The following MMP26 variants were observed in gnomAD, a reference collection of about 807,000 sequenced individuals.
MMP26 encodes matrix metallopeptidase 26.
MMP26 carries 33 observed loss-of-function variants against 31.0 expected under a neutral mutation model. The ratio of observed to expected loss-of-function variants is 1.06; its 90% confidence interval spans 0.81 to 1.42. The LOEUF (loss-of-function observed/expected upper bound fraction) is 1.42, where lower values mean the gene tolerates loss of function less well. Among genes scored for constraint, MMP26 ranks in the 40% most tolerant of loss-of-function variants. MMP26 has a pLI of 0.00. For synonymous variants in MMP26, 122 were observed against 114.9 expected (o/e 1.06, Z -0.40); for missense variants, 347 against 316.1 (o/e 1.10, Z -0.74).
intron 1 of MMP26, among the ~76,000 whole-genome samples, chr11:4,740,548 G>C (rs1848298752): frequency 6.6e-6 from 1 of 151,832 alleles, no homozygotes; most frequent in Non-Finnish European, 1.5e-5. Flanking sequence ...CTGGGCATGA[G>C]GGTGGGCGCC....
At chr11:4,771,694 T>C (rs1404382669) in intron 2 of MMP26, among the ~76,000 whole-genome samples, 2 of 152,202 alleles carry the variant, frequency 1.3e-5, no homozygotes, top group African/African-American at 4.8e-5. Context: ...AGAGTAAATA[T>C]TCTGTAGCAA....
At chr11:4,786,484 C>A (rs1232927608) in intron 2 of MMP26, among the ~76,000 whole-genome samples, 1 of 124,932 alleles carries the variant, frequency 8.0e-6, no homozygotes, top group Non-Finnish European at 1.6e-5. Flanking sequence ...GTAGTAAGAT[C>A]TGCTGATCCT....
intron 2 of MMP26, among the ~76,000 whole-genome samples, chr11:4,784,810 T>C (rs1174067201): frequency 2.0e-5 from 3 of 152,192 alleles, no homozygotes; most frequent in Non-Finnish European, 4.4e-5. Flanking sequence ...TTTAAAAATT[T>C]TTACTAATAA....
At chr11:4,831,754 C>A (rs753218554) in intron 2 of MMP26, among the ~76,000 whole-genome samples, 2 of 152,014 alleles carry the variant, frequency 1.3e-5, no homozygotes, top group Admixed American at 6.6e-5. Flanking sequence ...TGACCACATG[C>A]GTGATAGTAG....
At chr11:4,726,665 G>C (rs1848104690) in intron 1 of MMP26, among the ~76,000 whole-genome samples, 1 of 152,182 alleles carries the variant, frequency 6.6e-6, no homozygotes, top group South Asian at 2.1e-4. Flanking sequence ...GAAGATGCAA[G>C]TGTTGACTAA....
intron 2 of MMP26, among the ~76,000 whole-genome samples, chr11:4,858,519 T>C (rs898630082): frequency 6.6e-6 from 1 of 152,124 alleles, no homozygotes; most frequent in Non-Finnish European, 1.5e-5. Context: ...TTACAAGGGA[T>C]GTGAAGGACC....
intron 1 of MMP26, chr11:4,723,917 C>A: frequency 2.0e-6 from 2 of 984,878 alleles, no homozygotes; most frequent in Non-Finnish European, 1.6e-6. Context: ...GTGCGCATGG[C>A]CTGGATGTTG....
chr11:4,898,853 G>C (rs1236801660), intron 2 of MMP26, among the ~76,000 whole-genome samples: 5 of 151,130 alleles, frequency 3.3e-5, no homozygotes, highest in African/African-American at 1.2e-4. Flanking sequence ...GTGTGTGTGT[G>C]TGTGTGTGTG....
intron 1 of MMP26, among the ~76,000 whole-genome samples, chr11:4,763,973 G>A (rs1198024899): frequency 6.6e-6 from 1 of 152,132 alleles, no homozygotes; most frequent in African/African-American, 2.4e-5. Context: ...GCAATAAACA[G>A]GAGAATTTTA....
chr11:4,789,142 TTGAA>T (rs1848987255), intron 2 of MMP26, among the ~76,000 whole-genome samples: 1 of 152,172 alleles, frequency 6.6e-6, no homozygotes, highest in Admixed American at 6.5e-5. Flanking sequence ...AGTTTCTAAT[TTGAA>T]TGAGTGACAT....
At chr11:4,888,623 T>A (rs138860384) in intron 2 of MMP26, among the ~76,000 whole-genome samples, 7 of 152,290 alleles carry the variant, frequency 4.6e-5, no homozygotes, top group African/African-American at 1.7e-4. Context: ...CCATGGCTTA[T>A]GGAACTTTGC....
chr11:4,872,318 A>G (rs1406617680), intron 2 of MMP26, among the ~76,000 whole-genome samples: 6 of 152,112 alleles, frequency 3.9e-5, no homozygotes, highest in Non-Finnish European at 8.8e-5. Flanking sequence ...TAAAACCAAT[A>G]AAGAGTCTAG....
intron 2 of MMP26, among the ~76,000 whole-genome samples, chr11:4,785,734 G>A (rs2133437538): frequency 6.6e-6 from 1 of 152,248 alleles, no homozygotes; most frequent in African/African-American, 2.4e-5. Flanking sequence ...GGTGATAAAT[G>A]ACTGAAGCAG....
chr11:4,792,503 G>T (rs1849041886), intron 2 of MMP26, among the ~76,000 whole-genome samples: 1 of 152,094 alleles, frequency 6.6e-6, no homozygotes, highest in African/African-American at 2.4e-5. Flanking sequence ...CTTGTTTGTG[G>T]GTTATGCAGA....
chr11:4,735,665 C>G (rs1164376005), intron 1 of MMP26, among the ~76,000 whole-genome samples: 3 of 152,058 alleles, frequency 2.0e-5, no homozygotes, highest in Non-Finnish European at 4.4e-5. Flanking sequence ...GTTTCTGCCA[C>G]TCTGTAATAT....
chr11:4,759,111 C>CAAAAAAAAAAAAAAAAAAAAAAAAA (rs989730402), intron 1 of MMP26, among the ~76,000 whole-genome samples: 1 of 43,206 alleles, frequency 2.3e-5, no homozygotes. Context: ...CATTCCATCT[C>CAAAAAAAAAAAAAAAAAAAAAAAAA]AAAAAAAAAA....
intron 1 of MMP26, among the ~76,000 whole-genome samples, chr11:4,754,780 A>G (rs549522471): frequency 1.3e-5 from 2 of 152,062 alleles, no homozygotes; most frequent in African/African-American, 4.8e-5. Flanking sequence ...TCATTTTTCT[A>G]CTTTAAAGCT....
intron 2 of MMP26, among the ~76,000 whole-genome samples, chr11:4,796,478 T>G (rs1849109768): frequency 6.6e-6 from 1 of 152,220 alleles, no homozygotes; most frequent in Admixed American, 6.5e-5. Context: ...GTGGTTAGAG[T>G]CTGTCTTCAC....
chr11:4,826,381 T>C (rs17328371), intron 2 of MMP26, among the ~76,000 whole-genome samples: 10,567 of 152,114 alleles, frequency 0.069, 517 homozygotes, highest in Middle Eastern at 0.14. Context: ...GGGCCCCTGA[T>C]GTGCACACAG....
Sources: gnomAD v4.1 joint callset for allele counts (sites outside exome capture counted in the v4.1 genomes callset) on GRCh38, gnomAD v4.1.1 for gene constraint, MANE v1.5 for transcripts, NCBI Gene and HGNC (gene_info 2026-07-23, HGNC 2026-07-21) for gene names.